Variants in VBP1 observed in about 807,000 individuals in gnomAD.
VBP1 encodes VHL binding protein 1.
A neutral mutation model predicts 15.5 loss-of-function variants in VBP1; 4 were observed. That is an observed-to-expected ratio of 0.26 (90% CI 0.13 to 0.59). The LOEUF (loss-of-function observed/expected upper bound fraction) is 0.59. VBP1 is among the 20% of genes least tolerant of loss of function. The pLI, the probability that VBP1 is intolerant of heterozygous loss-of-function variation, is 0.90. For synonymous variants in VBP1, 61 were observed against 52.1 expected (o/e 1.17, Z -0.74); for missense variants, 108 against 139.6 (o/e 0.77, Z 1.14).
At chrX:155,224,538 T>C (rs2074710356) in intron 2 of VBP1, among the ~76,000 whole-genome samples, 1 of 110,804 alleles carries the variant, frequency 9.0e-6, no homozygotes, top group Non-Finnish European at 1.9e-5. Flanking sequence ...TTGCAGTGAG[T>C]CGAGATGGCG....
chrX:155,204,673 A>G (rs782697438), intron 1 of VBP1, among the ~76,000 whole-genome samples: 1 of 112,249 alleles, frequency 8.9e-6, no homozygotes, highest in East Asian at 2.8e-4. Context: ...AAAGAGATGC[A>G]CAGAAGTGGA....
At chrX:155,203,164 A>G (rs1347633929) in intron 1 of VBP1, among the ~76,000 whole-genome samples, 1 of 111,432 alleles carries the variant, frequency 9.0e-6, no homozygotes, top group Non-Finnish European at 1.9e-5. Flanking sequence ...TGTTGGTGGG[A>G]CTGTAAACTA....
intron 2 of VBP1, among the ~76,000 whole-genome samples, chrX:155,221,192 C>T (rs187721709): frequency 1.8e-5 from 2 of 111,113 alleles, no homozygotes; most frequent in East Asian, 2.8e-4. Context: ...ATTAGCCAGA[C>T]GTGGTGGCAT....
chrX:155,213,289 G>T (rs1488805289), upstream of VBP1: 1 of 111,847 alleles, frequency 8.9e-6, no homozygotes, highest in Non-Finnish European at 1.9e-5. Flanking sequence ...TTCCCAGTGG[G>T]CTTCCTGGGA....
At chrX:155,214,728 T>A (rs1222264944), upstream of VBP1, among the ~76,000 whole-genome samples, 1 of 104,559 alleles carries the variant, frequency 9.6e-6, no homozygotes, top group Non-Finnish European at 1.9e-5. Flanking sequence ...ATAGCTAGAT[T>A]TGGATCTGGC....
chrX:155,203,847 G>A (rs1301175817), intron 1 of VBP1, among the ~76,000 whole-genome samples: 2 of 112,051 alleles, frequency 1.8e-5, no homozygotes, highest in Non-Finnish European at 3.8e-5. Flanking sequence ...TACCTTGCAT[G>A]AGTAGTCAAA....
Position 155,210,858 on chromosome X carries a change from A to T in VBP1, c.78+1877A>T, listed in dbSNP as rs141946836. On this transcript the variant is annotated intron_variant, in intron 2 of 6. Coordinates refer to the VBP1 transcript ENST00000535916. ...CAGGGAGTGTGATCCCTGAGTAACT[A>T]ACATAAACTCACCTTGCCATGGGAA... 1.9e-4 allele frequency among the ~76,000 whole-genome samples: 21 copies of T among 111,997 alleles called. No individual in the cohort carries two copies. The East Asian group carries it at 5.9e-3, about 32-fold the overall frequency.
At chrX:155,220,720 CTCTT>C (rs1387863833) in intron 2 of VBP1, among the ~76,000 whole-genome samples, 2 of 112,167 alleles carry the variant, frequency 1.8e-5, no homozygotes, top group Non-Finnish European at 3.8e-5. Context: ...TTACTCTCAA[CTCTT>C]TATTTCCCTA....
chrX:155,200,466 C>T (rs1210274350), intron 1 of VBP1, among the ~76,000 whole-genome samples: 78 of 110,922 alleles, frequency 7.0e-4, no homozygotes, highest in Non-Finnish European at 8.3e-4. Context: ...CACTCAAAAC[C>T]GCTCGACTAC....
At chrX:155,206,878 A>G (rs1386069958) in intron 1 of VBP1, among the ~76,000 whole-genome samples, 5 of 111,259 alleles carry the variant, frequency 4.5e-5, no homozygotes, top group Non-Finnish European at 9.4e-5. Context: ...ATAATAATAT[A>G]CTGTATGTGC....
chrX:155,233,368 TG>T (rs2074756120), intron 4 of VBP1, among the ~76,000 whole-genome samples: 1 of 111,913 alleles, frequency 8.9e-6, no homozygotes, highest in Non-Finnish European at 1.9e-5. Context: ...CCTTGGCTCA[TG>T]GTCCTTTCTG....
At chrX:155,231,248 G>T (rs2074745044) in intron 4 of VBP1, among the ~76,000 whole-genome samples, 1 of 111,782 alleles carries the variant, frequency 8.9e-6, no homozygotes, top group Non-Finnish European at 1.9e-5. Flanking sequence ...TCATTCTTTT[G>T]CTCACTCTGC....
intron 4 of VBP1, among the ~76,000 whole-genome samples, chrX:155,234,310 G>A (rs1421694966): frequency 9.2e-6 from 1 of 108,248 alleles, no homozygotes; most frequent in Admixed American, 9.9e-5. Context: ...TAGTAGAGAC[G>A]GGGTTTCGCC....
At chrX:155,199,269 T>C (rs1259702815) in intron 1 of VBP1, among the ~76,000 whole-genome samples, 3 of 109,968 alleles carry the variant, frequency 2.7e-5, no homozygotes, top group African/African-American at 9.9e-5. Context: ...GCCACAAAGA[T>C]ACTCCTCGAG....
intron 5 of VBP1, 97 bp downstream of exon 5, chrX:155,236,464 A>G: frequency 1.0e-6 from 1 of 986,163 alleles, no homozygotes; most frequent in East Asian, 3.3e-5. Flanking sequence ...TAGGAAAAAT[A>G]GCTGATGCAT....
chrX:155,226,138 C>T (rs2074718730), intron 2 of VBP1, among the ~76,000 whole-genome samples: 1 of 112,039 alleles, frequency 8.9e-6, no homozygotes, highest in South Asian at 3.7e-4. Flanking sequence ...GTCTGTTTTG[C>T]TAGAAATTAC....
chrX:155,220,654 A>T (rs971454303), intron 2 of VBP1, among the ~76,000 whole-genome samples: 1 of 112,127 alleles, frequency 8.9e-6, no homozygotes, highest in Non-Finnish European at 1.9e-5. Context: ...ATAAGACTTA[A>T]TTAGTTATGA....
intron 2 of VBP1, among the ~76,000 whole-genome samples, chrX:155,220,802 T>G (rs1474139739): frequency 8.9e-6 from 1 of 112,523 alleles, no homozygotes; most frequent in Admixed American, 9.4e-5. Context: ...GTTTTGTGCA[T>G]GTGCCAGCAT....
intron 1 of VBP1, among the ~76,000 whole-genome samples, chrX:155,202,452 C>T (rs186597959): frequency 2.7e-4 from 30 of 110,987 alleles, no homozygotes; most frequent in Admixed American, 8.7e-4. Context: ...GAAATAACGC[C>T]GCATATCTAC....
Sources: gnomAD v4.1 joint callset for allele counts (sites outside exome capture counted in the v4.1 genomes callset) on GRCh38, gnomAD v4.1.1 for gene constraint, MANE v1.5 for transcripts, NCBI Gene and HGNC (gene_info 2026-07-23, HGNC 2026-07-21) for gene names.